Variants in SETX observed in about 807,000 individuals in gnomAD.
SETX encodes the protein helicase senataxin.
In SETX, 90 loss-of-function variants were observed where a neutral mutation model predicts 227.2. The ratio of observed to expected loss-of-function variants is 0.40; its 90% CI spans 0.33 to 0.47. SETX has a LOEUF of 0.47. Ranked by LOEUF, SETX falls within the 20% of genes least tolerant of loss-of-function variation. SETX has a pLI of 0.91. For missense variants in SETX, 3,052 were observed against 3,181.5 expected (o/e 0.96, Z 0.98); for synonymous variants, 1,210 against 1,113.2 (o/e 1.09, Z -1.73).
intron 11 of SETX, among the ~76,000 whole-genome samples, chr9:132,306,611 TTTC>T (rs887325310): frequency 7.2e-5 from 11 of 152,256 alleles, no homozygotes; most frequent in Admixed American, 3.9e-4. Flanking sequence ...TTCAATTGTA[TTTC>T]TTTTTAAGGC....
intron 11 of SETX, among the ~76,000 whole-genome samples, chr9:132,308,075 A>G (rs1209889406): frequency 6.6e-6 from 1 of 152,222 alleles, no homozygotes; most frequent in African/African-American, 2.4e-5. Context: ...ACCAAATAGT[A>G]GTAGAGAATT....
At chr9:132,303,443 A>G (rs1589684728) in intron 11 of SETX, among the ~76,000 whole-genome samples, 1 of 150,704 alleles carries the variant, frequency 6.6e-6, no homozygotes, top group East Asian at 1.9e-4. Flanking sequence ...AAAATTTAGA[A>G]AAAAAAAAAT....
rs778353071 is a variant in SETX, at chr9:132,326,742, G to T, written c.4856C>A (p.Ala1619Glu). ...CTTATTTTTTAGAGACGGTGAAAGTGCTGAAGAAGTTTCCAAAGATTTAGA... is the reference window on the plus strand; with the variant it reads ...CTTATTTTTTAGAGACGGTGAAAGTTCTGAAGAAGTTTCCAAAGATTTAGA... ...GLSKSLETSS[A>E]LSPSLKNKSK... is the part of the protein sequence containing the mutation. Residue 1619 changes from alanine to glutamate, a missense_variant, in exon 10 of 26, where the codon GCA becomes GAA. By Grantham distance (107) the Ala-to-Glu change is moderately radical (BLOSUM62 -1). This residue lies in a region of SETX where 1,483 missense variants were observed against 1,312.0 expected (regional missense o/e 1.13). Transcript: ENST00000224140. 1 of 1,614,220 alleles carries T rather than the reference G, an allele frequency of 6.2e-7. No homozygotes were observed. The highest frequency in any genetic ancestry group is 8.5e-7 in the Non-Finnish European group (1 of 1,180,038).
chr9:132,279,588 A>G (rs1268336821), intron 20 of SETX, among the ~76,000 whole-genome samples: 2 of 152,232 alleles, frequency 1.3e-5, no homozygotes, highest in African/African-American at 4.8e-5. Flanking sequence ...GAAGAAAGGC[A>G]TTACTTCTTA....
At chr9:132,353,889 G>C (rs1403877612) in intron 1 of SETX, 134 bp from the exon 2 acceptor site, 2 of 152,244 alleles carry the variant, frequency 1.3e-5, no homozygotes, top group African/African-American at 2.4e-5. Flanking sequence ...AGACAACTTG[G>C]CTGTGGACTT....
rs951387329 is a variant in SETX, at chr9:132,322,174, T to C, written c.5274+4150A>G. Among the ~76,000 whole-genome samples, 3 of 152,316 alleles carry C rather than the reference T, an allele frequency of 2.0e-5. No homozygotes were observed. The South Asian group carries it at 6.2e-4, about 32-fold the overall frequency. ...TTTCCTAGGCATCTTTTTTAACCTA[T>C]TGCTAATCAAATTTATTCTCTTTTT... On this transcript the variant is annotated intron_variant, in intron 10 of 25. Transcript: ENST00000224140.
intron 18 of SETX, among the ~76,000 whole-genome samples, chr9:132,285,262 A>T (rs1008814212): frequency 1.3e-5 from 2 of 152,214 alleles, no homozygotes; most frequent in Non-Finnish European, 2.9e-5. Context: ...AGAGCACCTT[A>T]TAAGAAAGAA....
intron 10 of SETX, among the ~76,000 whole-genome samples, chr9:132,322,212 T>G (rs994532873): frequency 5.3e-5 from 8 of 152,234 alleles, no homozygotes; most frequent in Non-Finnish European, 8.8e-5. Context: ...AGTAATATTT[T>G]TTAAATGGAG....
intron 2 of SETX, among the ~76,000 whole-genome samples, chr9:132,353,376 T>TA (rs956320232): frequency 8.1e-5 from 12 of 148,282 alleles, no homozygotes; most frequent in South Asian, 2.1e-4. Context: ...CTCAGGAACT[T>TA]AAAAAAAAAA....
At chr9:132,284,064 G>C (rs948085289) in intron 18 of SETX, among the ~76,000 whole-genome samples, 1 of 152,178 alleles carries the variant, frequency 6.6e-6, no homozygotes, top group Admixed American at 6.5e-5. Context: ...AAGTAGTGGT[G>C]ATTCATCTCA....
intron 25 of SETX, chr9:132,266,018 G>T (rs1655112825): frequency 1.3e-5 from 2 of 152,108 alleles, no homozygotes. Context: ...CCAAACACAT[G>T]CACCTCTCCT....
intron 10 of SETX, among the ~76,000 whole-genome samples, chr9:132,321,572 G>C (rs929578594): frequency 6.8e-5 from 10 of 147,620 alleles, no homozygotes; most frequent in African/African-American, 2.5e-4. Context: ...CAGGAGAATG[G>C]CATGAACCCA....
intron 20 of SETX, 24 bp downstream of exon 20, chr9:132,281,443 G>A: frequency 6.4e-7 from 1 of 1,551,834 alleles, no homozygotes; most frequent in Non-Finnish European, 8.9e-7. Flanking sequence ...CCATTTTAAA[G>A]CAATCTGAAC....
At chr9:132,356,691 G>A (rs555100924), upstream of SETX, among the ~76,000 whole-genome samples, 5 of 152,188 alleles carry the variant, frequency 3.3e-5, no homozygotes, top group Non-Finnish European at 7.3e-5. Flanking sequence ...CCTGGCCCGA[G>A]GATGAGGAGC....
chr9:132,347,558 C>T (rs1460799371), intron 3 of SETX, among the ~76,000 whole-genome samples: 2 of 151,966 alleles, frequency 1.3e-5, no homozygotes, highest in Non-Finnish European at 2.9e-5. Flanking sequence ...AATCCACCTG[C>T]CTCAGCATCC....
intron 12 of SETX, among the ~76,000 whole-genome samples, chr9:132,298,984 G>A (rs1844835064): frequency 6.6e-6 from 1 of 152,034 alleles, no homozygotes; most frequent in Non-Finnish European, 1.5e-5. Context: ...ACTACAATGA[G>A]AAAAGTACAG....
chr9:132,292,415 C>CA (rs60253119), intron 15 of SETX, among the ~76,000 whole-genome samples: 1,919 of 60,992 alleles, frequency 0.031, 112 homozygotes, highest in South Asian at 0.069. Flanking sequence ...AGCTGGGGTA[C>CA]AAAAAAAAAA....
rs200154603 is a variant in SETX, at chr9:132,295,961, C to A, written c.6017G>T (p.Cys2006Phe). ...AKIKQNRVLV[C>F]APSNAAVDEL... is the part of the protein sequence containing the mutation. Reference sequence around the variant, plus strand: ...ATCAACAGCTGCATTGGAAGGTGCACACACGAGGACACGGTTTTGTTTGAT... The same window carrying A: ...ATCAACAGCTGCATTGGAAGGTGCAAACACGAGGACACGGTTTTGTTTGAT... The change falls in exon 15 of 26, where the codon TGT becomes TTT. Residue 2006 changes from cysteine (C) to phenylalanine (F), a missense_variant. Around this residue, in one of 10 missense-constraint regions of SETX, gnomAD observed 412 missense variants for 589.0 expected, o/e 0.70. Transcript: ENST00000224140. 6.2e-7 allele frequency: 1 copy of A among 1,614,176 alleles called. No individual in the cohort carries two copies. Among genetic ancestry groups the A allele is most frequent in the East Asian group, 2.2e-5 (1 of 44,884 alleles).
intron 10 of SETX, among the ~76,000 whole-genome samples, chr9:132,316,729 T>A (rs750051250): frequency 5.3e-5 from 8 of 152,224 alleles, no homozygotes; most frequent in African/African-American, 7.2e-5. Flanking sequence ...TTGACACATA[T>A]GCAAGAAGGA....
Sources: gnomAD v4.1 joint callset for allele counts (sites outside exome capture counted in the v4.1 genomes callset) on GRCh38, gnomAD v4.1.1 for gene constraint, gnomAD v4.1.1 regional missense constraint, MANE v1.5 for transcripts, NCBI Gene and HGNC (gene_info 2026-07-23, HGNC 2026-07-21) for gene names.